The following NAV1 variants were observed in gnomAD, a reference collection of about 807,000 sequenced individuals.
The protein encoded by NAV1 is pore membrane and/or filament interacting like protein 3.
A neutral mutation model predicts 175.2 loss-of-function variants in NAV1; 18 were observed. That is an observed-to-expected ratio of 0.10 (90% CI 0.07 to 0.15). NAV1 has a LOEUF of 0.15. Among genes scored for constraint, NAV1 ranks in the 10% least tolerant of loss-of-function variants. NAV1 has a pLI of 1.00. For missense variants in NAV1, 1,731 were observed against 2,436.6 expected, an observed-to-expected ratio of 0.71 and a Z score of 6.10; for synonymous variants, 897 against 978.7, an observed-to-expected ratio of 0.92 and a Z score of 1.56.
At chr1:201,648,432 C>A in exon 1 of NAV1, 4 of 1,205,992 alleles carry the variant, frequency 3.3e-6, no homozygotes, top group Non-Finnish European at 4.1e-6. Context: ...TCCCCGGCTT[C>A]CCTGCTCTTT....
chr1:201,814,585 T>C (rs1396104864), intron 28 of NAV1, among the ~76,000 whole-genome samples: 1 of 152,130 alleles, frequency 6.6e-6, no homozygotes, highest in Non-Finnish European at 1.5e-5. Context: ...AGATATCTCC[T>C]GGTGATATAG....
chr1:201,609,168 G>A lies in NAV1; in HGVS notation c.-32-13685G>A, dbSNP rs184758729. On this transcript the variant is annotated intron_variant, in intron 2 of 33. Coordinates refer to the NAV1 transcript ENST00000685211. ...CTGCTGGGCCTGCTGCCAGACCCTA[G>A]CTCAAGTTTCTGATCCCCCAACCCT... Among the ~76,000 whole-genome samples, 260 of 152,340 alleles carry A rather than the reference G, an allele frequency of 1.7e-3. 1 individual carries two copies. Among genetic ancestry groups the A allele is most frequent in the Admixed American group, 5.3e-3 (81 of 15,306 alleles).
intron 1 of NAV1, among the ~76,000 whole-genome samples, chr1:201,679,588 C>T (rs1039755209): frequency 3.3e-5 from 5 of 152,198 alleles, no homozygotes; most frequent in Non-Finnish European, 1.5e-5. Context: ...CCCCAGTCAC[C>T]AGATACTTCA....
chr1:201,740,163 C>G lies in NAV1; in HGVS notation c.1226+21408C>G. 1 of 1,122,820 alleles carries G rather than the reference C, an allele frequency of 8.9e-7. No individual in the cohort carries two copies. The highest frequency in any genetic ancestry group is 1.2e-6 in the Non-Finnish European group (1 of 817,986). 69.6% of individuals were successfully genotyped at this position (1,122,820 alleles called of 1,614,324 possible). Reference sequence around the variant, plus strand: ...CACCCCCAGCCCCGCCGCAGCCCCCCAGTTCCGCCGCAGCTGCAGTCTCAG... The same window carrying G: ...CACCCCCAGCCCCGCCGCAGCCCCCGAGTTCCGCCGCAGCTGCAGTCTCAG... On this transcript the variant is annotated intron_variant, in intron 3 of 29. Transcript: ENST00000367296. The surrounding 1 kb of genome is among the most constrained non-coding windows in gnomAD (Gnocchi z 4.7).
At chr1:201,571,988 C>T (rs1666557689) in intron 1 of NAV1, among the ~76,000 whole-genome samples, 1 of 152,230 alleles carries the variant, frequency 6.6e-6, no homozygotes, top group Admixed American at 6.5e-5. Flanking sequence ...GAATTATTAA[C>T]ACTTCACTCA....
intron 1 of NAV1, among the ~76,000 whole-genome samples, chr1:201,543,218 T>C (rs1000870438): frequency 6.6e-6 from 1 of 152,208 alleles, no homozygotes; most frequent in Non-Finnish European, 1.5e-5. Flanking sequence ...CTTAGGGGGA[T>C]TTCTTGATTT....
rs562915367 is a variant in NAV1, at chr1:201,639,719, TC to T, written c.5-8912del. ...CCAAGAGCCTTCAACCAGTTTCCAC[TC>T]CCTCCAGGACGACAAAGCCCCGAGA... On this transcript the variant is annotated intron_variant, in intron 2 of 29. Transcript: ENST00000367302. 3.2e-4 allele frequency among the ~76,000 whole-genome samples: 49 copies of T among 152,136 alleles called. 1 individual carries two copies. In the East Asian group the frequency reaches 8.5e-3, roughly 27 times the overall value.
At chr1:201,730,580 A>G (rs970758983) in intron 3 of NAV1, among the ~76,000 whole-genome samples, 1 of 152,190 alleles carries the variant, frequency 6.6e-6, no homozygotes, top group Non-Finnish European at 1.5e-5. Flanking sequence ...ACACCTAGCA[A>G]TGTAGGTTCT....
chr1:201,648,737 C>T lies in NAV1; in HGVS notation c.69C>T (p.Gly23=). The T allele has an allele frequency of 2.1e-6, 3 of 1,410,352 alleles. No homozygotes were observed. The South Asian group carries it at 4.8e-5, about 22-fold the overall frequency. The allele number at this position is 1,410,352 out of a possible 1,614,324, so 87.4% of individuals were successfully genotyped here. A position where few individuals can be genotyped will look rare whatever the true frequency, so the allele number is the denominator to read the frequency against. Residue 23 remains glycine, a synonymous_variant, in exon 1 of 30, where the codon GGC becomes GGT. Transcript: ENST00000367296. ...TGAGCAGCGGCGGCGGCGACGAGGG[C>T]GCGGACGAACCGCGGGGCGCCGGCA...
intron 29 of NAV1, among the ~76,000 whole-genome samples, chr1:201,817,852 C>T (rs1204094512): frequency 1.3e-5 from 2 of 152,106 alleles, no homozygotes; most frequent in Non-Finnish European, 1.5e-5. Flanking sequence ...CAAGTACAAA[C>T]TGGGGGAATA....
At chr1:201,819,256 A>G (rs763620820) in intron 29 of NAV1, among the ~76,000 whole-genome samples, 1 of 152,154 alleles carries the variant, frequency 6.6e-6, no homozygotes, top group Non-Finnish European at 1.5e-5. Context: ...CTGCAGGCAG[A>G]AGTGGTCTCA....
intron 1 of NAV1, among the ~76,000 whole-genome samples, chr1:201,687,738 T>C (rs2102409803): frequency 6.6e-6 from 1 of 152,318 alleles, no homozygotes; most frequent in South Asian, 2.1e-4. Flanking sequence ...CGGAGTCAAC[T>C]AGGGCCCTAA....
chr1:201,607,715 C>G (rs1189290257), intron 2 of NAV1, among the ~76,000 whole-genome samples: 1 of 152,124 alleles, frequency 6.6e-6, no homozygotes, highest in Non-Finnish European at 1.5e-5. Context: ...TGGTCTCGAA[C>G]TCCTGACTTC....
chr1:201,769,143 G>T (rs1329548737), intron 3 of NAV1, among the ~76,000 whole-genome samples: 1 of 152,140 alleles, frequency 6.6e-6, no homozygotes, highest in Non-Finnish European at 1.5e-5. Context: ...AGTATCAGGG[G>T]CAAATGTCAT....
At position 201,810,372 on chromosome 1, in the gene NAV1, C is replaced by T; in HGVS notation, c.4562-151C>T. On this transcript the variant is annotated intron_variant, in intron 23 of 29. Transcript: ENST00000367296. The surrounding 1 kb of genome is among the most constrained non-coding windows in gnomAD (Gnocchi z 6.0). ...AAAAAGAAGATCTAAGTTTTCAAAACTAGGGGTTAAGGGACTCTTATGGAA... is the reference window on the plus strand; with the variant it reads ...AAAAAGAAGATCTAAGTTTTCAAAATTAGGGGTTAAGGGACTCTTATGGAA... The T allele has an allele frequency of 1.2e-6, 1 of 824,030 alleles. No homozygotes were observed. The highest frequency in any genetic ancestry group is 1.9e-5 in the South Asian group (1 of 53,506). The allele number at this position is 824,030 out of a possible 1,614,324, so 51.0% of individuals were successfully genotyped here.
intron 1 of NAV1, chr1:201,673,513 G>A (rs1315946679): frequency 1.3e-5 from 2 of 152,182 alleles, no homozygotes; most frequent in Non-Finnish European, 2.9e-5. Flanking sequence ...GGAGGGTCAG[G>A]CACATTACTA....
chr1:201,572,585 G>A (rs1666577218), intron 1 of NAV1, among the ~76,000 whole-genome samples: 1 of 151,782 alleles, frequency 6.6e-6, no homozygotes, highest in Non-Finnish European at 1.5e-5. Context: ...GGCCAGGCTG[G>A]TCTCAAACTC....
chr1:201,726,159 G>C (rs771210498), intron 3 of NAV1, among the ~76,000 whole-genome samples: 9 of 152,002 alleles, frequency 5.9e-5, no homozygotes, highest in Non-Finnish European at 1.0e-4. Context: ...AGAAGCACTG[G>C]GCTAATTCTG....
At position 201,783,383 on chromosome 1, in the gene NAV1, T is replaced by C. The variant is rs563422692; in HGVS notation, c.2358-23T>C. The stretch of plus-strand genomic sequence containing the variant: ...CACTCTGTAATTCTATTATTCTAAA[T>C]ATTTCGTTTGATCTTCTCTCAGGGC... On this transcript the variant is annotated intron_variant, in intron 6 of 29. Transcript: ENST00000367296. 2.4e-5 allele frequency: 39 copies of C among 1,605,946 alleles called. No homozygotes were observed. In the Middle Eastern group the frequency reaches 4.9e-4, roughly 20 times the overall value.
Sources: gnomAD v4.1 joint callset for allele counts (sites outside exome capture counted in the v4.1 genomes callset) on GRCh38, gnomAD v4.1.1 for gene constraint, Gnocchi (gnomAD v3.1) non-coding constraint, MANE v1.5 for transcripts, NCBI Gene and HGNC (gene_info 2026-07-23, HGNC 2026-07-21) for gene names.